Variants in MAPRE2 observed in about 807,000 individuals in gnomAD.
MAPRE2 encodes the protein microtubule associated protein RP/EB family member 2.
A neutral mutation model predicts 43.2 loss-of-function variants in MAPRE2; 13 were observed. The ratio of observed to expected loss-of-function variants is 0.30; its 90% CI spans 0.20 to 0.48. The LOEUF (loss-of-function observed/expected upper bound fraction) is 0.48, where lower values mean the gene tolerates loss of function less well. MAPRE2 is among the 20% of genes least tolerant of loss of function. The probability of loss-of-function intolerance (pLI) is 0.99; values close to 1 mark genes in which losing one functional copy is unlikely to be tolerated. For synonymous variants in MAPRE2, 135 were observed against 148.8 expected, an observed-to-expected ratio of 0.91 and a Z score of 0.68; for missense variants, 161 against 400.2, an observed-to-expected ratio of 0.40 and a Z score of 5.10.
At chr18:34,996,320 C>G (rs1418771522) in intron 1 of MAPRE2, among the ~76,000 whole-genome samples, 1 of 152,134 alleles carries the variant, frequency 6.6e-6, no homozygotes, top group Non-Finnish European at 1.5e-5. Context: ...TGTTCCACCT[C>G]AGATCATCAA....
intron 2 of MAPRE2, among the ~76,000 whole-genome samples, chr18:35,010,565 C>T (rs944586748): frequency 6.6e-6 from 1 of 152,216 alleles, no homozygotes; most frequent in African/African-American, 2.4e-5. Context: ...ACAGGTTCTT[C>T]ATGGGATTCC....
At chr18:35,025,712 C>T (rs2097044751) in intron 2 of MAPRE2, among the ~76,000 whole-genome samples, 1 of 152,174 alleles carries the variant, frequency 6.6e-6, no homozygotes. Context: ...CAAACAGTAG[C>T]TTAGAAGTCT....
intron 4 of MAPRE2, among the ~76,000 whole-genome samples, chr18:35,117,894 T>A (rs921930014): frequency 1.3e-5 from 2 of 152,116 alleles, no homozygotes; most frequent in Non-Finnish European, 1.5e-5. Flanking sequence ...TAAAAGAGAA[T>A]TTTTAATACT....
intron 4 of MAPRE2, among the ~76,000 whole-genome samples, chr18:35,112,877 G>A (rs79798939): frequency 0.011 from 1,670 of 152,302 alleles, 56 homozygotes; most frequent in Admixed American, 0.055. Context: ...TCTGGGGACT[G>A]GGAAGTCCAA....
chr18:35,018,098 T>G (rs2097039582), intron 2 of MAPRE2, among the ~76,000 whole-genome samples: 1 of 152,130 alleles, frequency 6.6e-6, no homozygotes, highest in Non-Finnish European at 1.5e-5. Context: ...TCTGTTTATG[T>G]GGTGAATCAC....
chr18:35,096,012 C>T (rs1020910677), intron 2 of MAPRE2, among the ~76,000 whole-genome samples: 31 of 152,166 alleles, frequency 2.0e-4, no homozygotes, highest in Non-Finnish European at 2.4e-4. Flanking sequence ...ACGCTCTTAC[C>T]TACAAAATAG....
At chr18:35,113,188 T>G (rs1348223166) in intron 4 of MAPRE2, among the ~76,000 whole-genome samples, 1 of 152,164 alleles carries the variant, frequency 6.6e-6, no homozygotes, top group Non-Finnish European at 1.5e-5. Flanking sequence ...ATATGAGCAG[T>G]GCCCTGCCTT....
chr18:35,102,241 G>A (rs1908714228), intron 4 of MAPRE2, 82 bp downstream of exon 4: 3 of 1,027,232 alleles, frequency 2.9e-6, no homozygotes, highest in Admixed American at 5.9e-5. Flanking sequence ...GTGTGTTTCT[G>A]ACTGATTCTT....
At chr18:34,998,035 A>T (rs538808350) in intron 1 of MAPRE2, among the ~76,000 whole-genome samples, 2 of 152,324 alleles carry the variant, frequency 1.3e-5, no homozygotes, top group East Asian at 3.9e-4. Context: ...TAATTGGGGT[A>T]TCGGCTCCAC....
At chr18:35,044,864 A>G (rs1201206206) in intron 1 of MAPRE2, among the ~76,000 whole-genome samples, 1 of 152,170 alleles carries the variant, frequency 6.6e-6, no homozygotes, top group Non-Finnish European at 1.5e-5. Context: ...TAAGTATGTC[A>G]AATTTGGTTC....
intron 1 of MAPRE2, among the ~76,000 whole-genome samples, chr18:34,994,006 T>TC (rs1346607161): frequency 7.3e-5 from 11 of 151,652 alleles, no homozygotes; most frequent in Non-Finnish European, 7.4e-5. Flanking sequence ...TTTTTTTTTT[T>TC]TTTTTTTACT....
chr18:35,070,007 A>G (rs1167231458), intron 1 of MAPRE2, among the ~76,000 whole-genome samples, 188 bp from the exon 2 acceptor site: 2 of 152,236 alleles, frequency 1.3e-5, no homozygotes, highest in Non-Finnish European at 2.9e-5. Context: ...ATGGTACTGC[A>G]TGAAAAATAT....
intron 1 of MAPRE2, among the ~76,000 whole-genome samples, chr18:34,993,992 C>CTT (rs11301716): frequency 6.7e-5 from 8 of 120,026 alleles, no homozygotes; most frequent in Non-Finnish European, 1.2e-4. Flanking sequence ...CATGGATTTT[C>CTT]TTTTTTTTTT....
At chr18:35,029,034 G>A (rs1490689071) in intron 2 of MAPRE2, among the ~76,000 whole-genome samples, 1 of 152,218 alleles carries the variant, frequency 6.6e-6, no homozygotes, top group African/African-American at 2.4e-5. Flanking sequence ...ACACTATGCA[G>A]TTGGACCCTT....
chr18:35,127,255 T>A (rs1909949398), intron 5 of MAPRE2, 168 bp downstream of exon 5: 2 of 644,252 alleles, frequency 3.1e-6, no homozygotes, highest in East Asian at 5.7e-5. Flanking sequence ...CAGTAGCCCA[T>A]GATGAATAAA....
intron 1 of MAPRE2, among the ~76,000 whole-genome samples, chr18:34,999,799 T>G (rs1274214956): frequency 3.3e-5 from 5 of 152,050 alleles, no homozygotes; most frequent in Non-Finnish European, 5.9e-5. Flanking sequence ...GCTCATTTGG[T>G]TTTTGGTTTC....
At chr18:35,028,032 G>C (rs912486533) in intron 2 of MAPRE2, among the ~76,000 whole-genome samples, 1 of 152,098 alleles carries the variant, frequency 6.6e-6, no homozygotes, top group Non-Finnish European at 1.5e-5. Context: ...CAGCATGGTA[G>C]TCCCAGGGTA....
intron 2 of MAPRE2, among the ~76,000 whole-genome samples, chr18:35,024,341 ATGAACTCTG>A (rs1232777906): frequency 6.6e-6 from 1 of 152,174 alleles, no homozygotes; most frequent in Non-Finnish European, 1.5e-5. Flanking sequence ...TCTGTAAATG[ATGAACTCTG>A]TGTCCCTCTC....
chr18:35,039,727 A>C (rs2097052569), upstream of MAPRE2, among the ~76,000 whole-genome samples: 2 of 152,234 alleles, frequency 1.3e-5, no homozygotes, highest in Non-Finnish European at 2.9e-5. Context: ...GGAATGACAA[A>C]GTGTTTACTT....
Sources: gnomAD v4.1 joint callset for allele counts (sites outside exome capture counted in the v4.1 genomes callset) on GRCh38, gnomAD v4.1.1 for gene constraint, MANE v1.5 for transcripts, NCBI Gene and HGNC (gene_info 2026-07-23, HGNC 2026-07-21) for gene names.